The following CWC27 variants were observed in gnomAD, a reference collection of about 807,000 sequenced individuals.
CWC27 encodes spliceosome-associated protein CWC27 homolog.
Under a neutral mutation model 63.6 loss-of-function variants are expected in CWC27, and 47 were observed. The observed-to-expected ratio is 0.74, with a 90% CI of 0.58 to 0.94. CWC27 has a LOEUF of 0.94. Among genes scored for constraint, CWC27 ranks in the 40% least tolerant of loss-of-function variants. CWC27 has a pLI of 0.00. For missense variants in CWC27, 495 were observed against 554.3 expected, an observed-to-expected ratio of 0.89 and a Z score of 1.07; for synonymous variants, 175 against 179.8, an observed-to-expected ratio of 0.97 and a Z score of 0.22.
At chr5:64,771,318 G>A (rs1743246306) in intron 1 of CWC27, among the ~76,000 whole-genome samples, 2 of 152,352 alleles carry the variant, frequency 1.3e-5, no homozygotes, top group East Asian at 3.9e-4. Flanking sequence ...GGTGCTGAAA[G>A]CGTACAGAGA....
chr5:64,957,239 T>C (rs1016022209), intron 11 of CWC27, among the ~76,000 whole-genome samples: 1 of 152,162 alleles, frequency 6.6e-6, no homozygotes, highest in Non-Finnish European at 1.5e-5. Context: ...ACTTCTTGAG[T>C]CTCCTTTCTC....
chr5:64,821,455 C>A (rs1223882848), intron 10 of CWC27, among the ~76,000 whole-genome samples: 1 of 151,882 alleles, frequency 6.6e-6, no homozygotes, highest in Non-Finnish European at 1.5e-5. Context: ...GACTATTAAG[C>A]CAAAAAGGAT....
At chr5:64,866,921 C>T (rs910394246) in intron 10 of CWC27, among the ~76,000 whole-genome samples, 4 of 152,012 alleles carry the variant, frequency 2.6e-5, no homozygotes, top group Non-Finnish European at 2.9e-5. Context: ...TGATCACTCA[C>T]TACAAGGTAT....
chr5:64,832,781 T>C (rs1487925815), intron 10 of CWC27, among the ~76,000 whole-genome samples: 2 of 151,818 alleles, frequency 1.3e-5, no homozygotes, highest in Non-Finnish European at 3.0e-5. Flanking sequence ...GCAGCAGTTG[T>C]ACCCTCAGTA....
rs374796210 is a variant in CWC27, at chr5:64,977,128, A to G, written c.1153-7A>G. 4 of 1,556,846 alleles carry G rather than the reference A, an allele frequency of 2.6e-6. No homozygotes were observed. The African/African-American group carries it at 5.5e-5, about 21-fold the overall frequency. ...CAGAAAACTTAGCAGTCTAATTGTT[A>G]TTTCAGACCCTTGCACTGCTGAACC... On this transcript the variant is annotated splice_region_variant and splice_polypyrimidine_tract_variant and intron_variant, in intron 12 of 13. Coordinates refer to ENST00000381070, the MANE Select transcript of CWC27 (RefSeq NM_005869.4).
intron 11 of CWC27, among the ~76,000 whole-genome samples, chr5:64,941,957 A>G (rs1446181646): frequency 1.3e-5 from 2 of 152,012 alleles, no homozygotes; most frequent in African/African-American, 2.4e-5. Context: ...AAAATCACCA[A>G]TTATAGACTT....
chr5:64,950,060 A>G (rs1216819882), intron 11 of CWC27, among the ~76,000 whole-genome samples: 1 of 152,030 alleles, frequency 6.6e-6, no homozygotes, highest in Non-Finnish European at 1.5e-5. Flanking sequence ...GTTTAGTAAT[A>G]ACTTTATATT....
chr5:64,926,696 G>T (rs903681220), intron 11 of CWC27, among the ~76,000 whole-genome samples: 1 of 151,934 alleles, frequency 6.6e-6, no homozygotes, highest in Non-Finnish European at 1.5e-5. Context: ...TAAGATTAGT[G>T]TTGGAAAACA....
At position 64,783,864 on chromosome 5, in the gene CWC27, A is replaced by C. The variant is rs753319511; in HGVS notation, c.281A>C (p.Asn94Thr). 2.5e-6 allele frequency: 4 copies of C among 1,585,996 alleles called. No individual in the cohort carries two copies. The Admixed American group carries it at 7.5e-5, about 30-fold the overall frequency. ...KDEFHSRLRF[N>T]RRGLVAMANA... ...GAATTTCATTCACGGTTGCGTTTTA[A>C]TCGGAGAGGACTGGTTGCCATGGCA... The change falls in exon 4 of 14, where the codon AAT becomes ACT. Residue 94 changes from asparagine (N) to threonine (T), a missense_variant. Coordinates refer to ENST00000381070, the MANE Select transcript of CWC27 (RefSeq NM_005869.4).
chr5:64,792,159 A>C (rs866978172), intron 7 of CWC27, among the ~76,000 whole-genome samples: 1 of 152,026 alleles, frequency 6.6e-6, no homozygotes, highest in Non-Finnish European at 1.5e-5. Context: ...TCCTTCACCA[A>C]CTCTGCTCTT....
At chr5:64,822,563 A>G (rs577531743) in intron 10 of CWC27, among the ~76,000 whole-genome samples, 8 of 152,306 alleles carry the variant, frequency 5.3e-5, no homozygotes, top group East Asian at 1.9e-4. Flanking sequence ...GGAATAATCT[A>G]TTGTGACCAG....
At chr5:64,915,072 G>T (rs1747864928) in intron 11 of CWC27, among the ~76,000 whole-genome samples, 1 of 152,106 alleles carries the variant, frequency 6.6e-6, no homozygotes, top group Non-Finnish European at 1.5e-5. Flanking sequence ...GTGTGTTTTG[G>T]GTTTGGGTTT....
intron 11 of CWC27, among the ~76,000 whole-genome samples, 183 bp downstream of exon 11, chr5:64,885,729 GTGTGTGTGTT>G (rs1274648504): frequency 0.027 from 4,020 of 150,752 alleles, 200 homozygotes; most frequent in African/African-American, 0.093. Flanking sequence ...GTGTGTGTGT[GTGTGTGTGTT>G]TTTAATACTT....
intron 10 of CWC27, among the ~76,000 whole-genome samples, chr5:64,868,132 A>G (rs1746575165): frequency 6.6e-6 from 1 of 152,094 alleles, no homozygotes; most frequent in African/African-American, 2.4e-5. Context: ...AATTGCCAAG[A>G]TTCTAGAAGA....
chr5:64,809,264 C>T (rs1296279349), intron 10 of CWC27, among the ~76,000 whole-genome samples: 4 of 152,246 alleles, frequency 2.6e-5, no homozygotes, highest in Non-Finnish European at 5.9e-5. Context: ...TATTTATCCA[C>T]TTCAGCAACT....
chr5:64,874,458 C>G (rs1361762197), intron 10 of CWC27, among the ~76,000 whole-genome samples: 1 of 151,748 alleles, frequency 6.6e-6, no homozygotes, highest in African/African-American at 2.4e-5. Context: ...GCCACCGTGC[C>G]CAGCCGATGC....
At chr5:64,932,675 A>T (rs1748262366) in intron 11 of CWC27, among the ~76,000 whole-genome samples, 2 of 152,052 alleles carry the variant, frequency 1.3e-5, no homozygotes, top group African/African-American at 4.8e-5. Flanking sequence ...ATAACCTTTC[A>T]TTGTTCTTGT....
intron 10 of CWC27, among the ~76,000 whole-genome samples, chr5:64,878,470 T>TAAAAAAAAAAAAAAAAAAAAAAAA (rs397998002): frequency 7.4e-5 from 2 of 26,912 alleles, no homozygotes; most frequent in African/African-American, 1.2e-4. Flanking sequence ...GGTTACAGAT[T>TAAAAAAAAAAAAAAAAAAAAAAAA]AAAAAAAAAA....
chr5:64,873,783 A>C (rs948045586), intron 10 of CWC27, among the ~76,000 whole-genome samples: 1 of 152,036 alleles, frequency 6.6e-6, no homozygotes, highest in Non-Finnish European at 1.5e-5. Flanking sequence ...TGTTTTCTCT[A>C]TGTTTTCTTT....
Sources: gnomAD v4.1 joint callset for allele counts (sites outside exome capture counted in the v4.1 genomes callset) on GRCh38, gnomAD v4.1.1 for gene constraint, MANE v1.5 for transcripts, NCBI Gene and HGNC (gene_info 2026-07-23, HGNC 2026-07-21) for gene names.